The following CYRIB variants were observed in gnomAD, a reference collection of about 807,000 sequenced individuals.
CYRIB encodes CYFIP related Rac1 interactor B, also known as CYFIP-related Rac1 interactor B.
In CYRIB, 8 loss-of-function variants were observed where a neutral mutation model predicts 44.2. The observed-to-expected ratio is 0.18, with a 90% confidence interval of 0.11 to 0.33. The LOEUF is 0.33. CYRIB is among the 10% of genes least tolerant of loss of function. The probability of loss-of-function intolerance (pLI) is 1.00; values close to 1 mark genes in which losing one functional copy is unlikely to be tolerated. For missense variants in CYRIB, 185 were observed against 382.8 expected, an observed-to-expected ratio of 0.48 and a Z score of 4.31; for synonymous variants, 131 against 127.2, an observed-to-expected ratio of 1.03 and a Z score of -0.20.
rs34764499 is a variant in CYRIB at position 129,883,112 on chromosome 8, C to CAAAAAAAA, written c.-10-3649_-10-3642dup. Among the ~76,000 whole-genome samples, 48 of 41,254 alleles carry CAAAAAAAA rather than the reference C, an allele frequency of 1.2e-3. 1 individual carries two copies. The highest frequency in any genetic ancestry group is 4.3e-3 in the African/African-American group (45 of 10,352). The allele number at this position is 41,254 out of a possible 152,430, so 27.1% of individuals were successfully genotyped here. ...TAGGCAACAGAGCTAGACTCCCTCTCAAAAAAAAAAAAAAAAAAAAAAAAA... is the reference window on the plus strand; with the variant it reads ...TAGGCAACAGAGCTAGACTCCCTCTCAAAAAAAAAAAAAAAAAAAAAAAAAAAAAAAAA... On this transcript the variant is annotated intron_variant, in intron 2 of 11. Transcript: ENST00000519824.
intron 2 of CYRIB, among the ~76,000 whole-genome samples, chr8:129,884,012 G>A (rs145048724): frequency 6.6e-6 from 1 of 152,156 alleles, no homozygotes; most frequent in African/African-American, 2.4e-5. Context: ...TCCTGCCCTA[G>A]AGGATGGCAG....
chr8:130,002,246 C>A (rs560569795), intron 1 of CYRIB, among the ~76,000 whole-genome samples: 1 of 152,060 alleles, frequency 6.6e-6, no homozygotes, highest in Non-Finnish European at 1.5e-5. Flanking sequence ...GGACTGTTTC[C>A]GCTCAGAAGT....
intron 1 of CYRIB, among the ~76,000 whole-genome samples, chr8:129,982,576 C>T (rs139918438): frequency 1.3e-5 from 2 of 152,298 alleles, no homozygotes; most frequent in East Asian, 1.9e-4. Context: ...TACAGCACTT[C>T]TTAGGGAATC....
chr8:129,940,460 A>G (rs149604215), upstream of CYRIB, among the ~76,000 whole-genome samples: 1 of 152,132 alleles, frequency 6.6e-6, no homozygotes, highest in Non-Finnish European at 1.5e-5. Flanking sequence ...CTCCACTTAC[A>G]ACACTCTCAG....
At chr8:129,956,085 T>G (rs906788207) in intron 2 of CYRIB, among the ~76,000 whole-genome samples, 4 of 152,300 alleles carry the variant, frequency 2.6e-5, no homozygotes, top group Admixed American at 2.6e-4. Flanking sequence ...TACATAAGTT[T>G]GAAAGATATG....
At chr8:129,990,382 G>A (rs1302319066) in intron 1 of CYRIB, among the ~76,000 whole-genome samples, 1 of 152,052 alleles carries the variant, frequency 6.6e-6, no homozygotes, top group African/African-American at 2.4e-5. Flanking sequence ...CATAATAGGT[G>A]TTCAGTAAAT....
chr8:130,016,918 C>G (rs1391719983), upstream of CYRIB: 1 of 152,210 alleles, frequency 6.6e-6, no homozygotes, highest in Non-Finnish European at 1.5e-5. Flanking sequence ...CAAGAGTGAC[C>G]CCCAAGGTCA....
intron 2 of CYRIB, among the ~76,000 whole-genome samples, chr8:129,951,425 G>A (rs1055936584): frequency 2.0e-5 from 3 of 151,932 alleles, no homozygotes; most frequent in African/African-American, 4.8e-5. Context: ...TGGTAGAAAC[G>A]GCCAGTTGCG....
chr8:129,938,219 T>A (rs1455224160), intron 1 of CYRIB, among the ~76,000 whole-genome samples: 1 of 152,188 alleles, frequency 6.6e-6, no homozygotes, highest in Non-Finnish European at 1.5e-5. Flanking sequence ...TAAACCCCAG[T>A]TATCAAGCAG....
intron 1 of CYRIB, among the ~76,000 whole-genome samples, chr8:129,925,808 C>A (rs975640578): frequency 1.3e-5 from 2 of 152,196 alleles, no homozygotes; most frequent in Admixed American, 1.3e-4. Context: ...CCCAAGTGGT[C>A]ACTATAAAGC....
intron 2 of CYRIB, among the ~76,000 whole-genome samples, chr8:129,952,005 C>A (rs1192343402): frequency 6.6e-6 from 1 of 152,060 alleles, no homozygotes; most frequent in African/African-American, 2.4e-5. Flanking sequence ...GAACAAAGTA[C>A]AAAACTACAT....
intron 4 of CYRIB, among the ~76,000 whole-genome samples, chr8:129,868,190 T>C (rs756542377): frequency 3.3e-5 from 5 of 152,218 alleles, no homozygotes; most frequent in Non-Finnish European, 5.9e-5. Context: ...CTTTCTTAAT[T>C]TGTTTCTCTA....
In CYRIB at chr8:129,925,686, T is replaced by C. The variant is rs567035877; in HGVS notation, c.-50+13922A>G. Among the ~76,000 whole-genome samples, 7 of 152,368 alleles carry C rather than the reference T, an allele frequency of 4.6e-5. No homozygotes were observed. In the South Asian group the frequency reaches 1.4e-3, roughly 32 times the overall value. On this transcript the variant is annotated intron_variant, in intron 1 of 11. Transcript: ENST00000519824. ...ACACAGCAACCTTGCTTTCTTTTGC[T>C]GTGCTGCCAAAGCAGATAGTCTCTC... is the stretch of plus-strand genomic sequence containing the variant.
At chr8:129,844,154 A>G (rs1332064984) in intron 11 of CYRIB, 2 of 152,246 alleles carry the variant, frequency 1.3e-5, no homozygotes, top group Non-Finnish European at 2.9e-5. Context: ...AGAAAGAGCC[A>G]AGCAATGTGC....
chr8:129,883,605 C>T (rs2061606759), intron 2 of CYRIB, among the ~76,000 whole-genome samples: 1 of 151,676 alleles, frequency 6.6e-6, no homozygotes, highest in Non-Finnish European at 1.5e-5. Context: ...GGCCAAAAAC[C>T]AAACAAACAA....
chr8:129,858,490 AG>A (rs1263770180), intron 5 of CYRIB, among the ~76,000 whole-genome samples: 2 of 152,194 alleles, frequency 1.3e-5, no homozygotes, highest in Non-Finnish European at 2.9e-5. Flanking sequence ...CTAGTTGATT[AG>A]GAAGAGGAGG....
intron 2 of CYRIB, among the ~76,000 whole-genome samples, chr8:129,961,212 G>A (rs1447825097): frequency 1.3e-5 from 2 of 152,120 alleles, no homozygotes; most frequent in Admixed American, 1.3e-4. Context: ...AAGAACCAGG[G>A]GGAGGTCTCA....
At chr8:129,883,112 C>CAAAAAAAAAAAAAAAAAAAAAAAAAAA (rs34764499) in intron 2 of CYRIB, among the ~76,000 whole-genome samples, 3 of 41,242 alleles carry the variant, frequency 7.3e-5, no homozygotes, top group African/African-American at 1.9e-4. Flanking sequence ...GACTCCCTCT[C>CAAAAAAAAAAAAAAAAAAAAAAAAAAA]AAAAAAAAAA....
At chr8:129,913,981 T>C (rs1589588356) in intron 1 of CYRIB, among the ~76,000 whole-genome samples, 1 of 152,336 alleles carries the variant, frequency 6.6e-6, no homozygotes, top group Non-Finnish European at 1.5e-5. Context: ...TTTATAGTTT[T>C]ATCCTTTTCT....
Sources: gnomAD v4.1 joint callset for allele counts (sites outside exome capture counted in the v4.1 genomes callset) on GRCh38, gnomAD v4.1.1 for gene constraint, MANE v1.5 for transcripts, NCBI Gene and HGNC (gene_info 2026-07-23, HGNC 2026-07-21) for gene names.